The following PTP4A3 variants were observed in gnomAD, a reference collection of about 807,000 sequenced individuals.
PTP4A3 encodes protein tyrosine phosphatase 4A3, also known as protein tyrosine phosphatase type IVA 3.
A neutral mutation model predicts 15.2 loss-of-function variants in PTP4A3; 9 were observed. The observed-to-expected ratio is 0.59, with a 90% confidence interval of 0.36 to 1.03. PTP4A3 has a LOEUF of 1.03. Among genes scored for constraint, PTP4A3 ranks in the 50% least tolerant of loss-of-function variants. PTP4A3 has a pLI of 0.02. For synonymous variants in PTP4A3, 95 were observed against 102.0 expected (o/e 0.93, Z 0.41); for missense variants, 234 against 252.1 (o/e 0.93, Z 0.49).
intron 1 of PTP4A3, among the ~76,000 whole-genome samples, chr8:141,404,279 C>T (rs1466309507): frequency 3.9e-5 from 6 of 152,270 alleles, no homozygotes; most frequent in South Asian, 2.1e-4. Context: ...CTGTACTTGA[C>T]GGATGGTGCA....
Position 141,406,639 on chromosome 8 carries a change from C to T in PTP4A3, c.-854+14555C>T, listed in dbSNP as rs1466260730. On this transcript the variant is annotated intron_variant, in intron 1 of 5. Transcript: ENST00000521578. This position sits in a 1 kb window ranked among gnomAD's most constrained non-coding sequence, Gnocchi z 4.5. ...GGGGCCCAGACTCATTGACATCCTG[C>T]GTGAACTACAGTTTTGGTAGAGGTG... is the stretch of plus-strand genomic sequence containing the variant. Among the ~76,000 whole-genome samples, 4 of 152,304 alleles carry T rather than the reference C, an allele frequency of 2.6e-5. No individual in the cohort carries two copies. The highest frequency in any genetic ancestry group is 1.3e-4 in the Admixed American group (2 of 15,304).
chr8:141,425,615 G>A lies in PTP4A3; in HGVS notation c.198+475G>A, dbSNP rs539849248. Among the ~76,000 whole-genome samples the A allele has an allele frequency of 3.3e-4, 48 of 147,404 alleles. No homozygotes were observed. The highest frequency in any genetic ancestry group is 1.1e-3 in the African/African-American group (44 of 40,112). ...GCGGGGGGTGGGGCGGTTCTGCTGC[G>A]ATATCCTTGGGGGGGTGGGCCACAG... On this transcript the variant is annotated intron_variant, in intron 3 of 5. Coordinates refer to ENST00000521578, the MANE Select transcript of PTP4A3 (RefSeq NM_032611.3). This position sits in a 1 kb window ranked among gnomAD's most constrained non-coding sequence, Gnocchi z 4.2.
intron 1 of PTP4A3, among the ~76,000 whole-genome samples, chr8:141,397,488 A>G (rs1304658532): frequency 6.6e-6 from 1 of 152,238 alleles, no homozygotes; most frequent in Non-Finnish European, 1.5e-5. Flanking sequence ...AGTACAGAAC[A>G]ATGACAACTC....
chr8:141,397,392 G>A (rs1406222206), intron 1 of PTP4A3, among the ~76,000 whole-genome samples: 3 of 144,410 alleles, frequency 2.1e-5, no homozygotes, highest in African/African-American at 7.4e-5. Context: ...ACTTCTGCCT[G>A]TAAGGCCTGT....
In PTP4A3 at chr8:141,425,202, G is replaced by C; in HGVS notation, c.198+62G>C. On this transcript the variant is annotated intron_variant, in intron 3 of 5. Coordinates refer to ENST00000521578, the MANE Select transcript of PTP4A3 (RefSeq NM_032611.3). This position sits in a 1 kb window ranked among gnomAD's most constrained non-coding sequence, Gnocchi z 4.2. Reference sequence around the variant, plus strand: ...CCACCGGGGGAGGGTGGGGCGGGGGGCTCCGGGCCTGCGCAGAGGGTTTGG... The same window carrying C: ...CCACCGGGGGAGGGTGGGGCGGGGGCCTCCGGGCCTGCGCAGAGGGTTTGG... The C allele has an allele frequency of 1.4e-6, 2 of 1,407,034 alleles. No homozygotes were observed. Among genetic ancestry groups the C allele is most frequent in the Admixed American group, 1.8e-5 (1 of 56,484 alleles). The allele number at this position is 1,407,034 out of a possible 1,614,324, so 87.2% of individuals were successfully genotyped here. A position where few individuals can be genotyped will look rare whatever the true frequency, so the allele number is the denominator to read the frequency against.
At chr8:141,393,578 C>G (rs376603969) in intron 1 of PTP4A3, among the ~76,000 whole-genome samples, 2 of 152,242 alleles carry the variant, frequency 1.3e-5, no homozygotes, top group Non-Finnish European at 2.9e-5. Flanking sequence ...CCCCCGCAGG[C>G]AGTCGGCGTG....
At chr8:141,412,357 T>TGGGTGGGCGTGAG (rs1832892840) in intron 1 of PTP4A3, among the ~76,000 whole-genome samples, 1 of 152,160 alleles carries the variant, frequency 6.6e-6, no homozygotes, top group Non-Finnish European at 1.5e-5. Flanking sequence ...CATGGGTGGC[T>TGGGTGGGCGTGAG]GGGTGGGCGT....
intron 1 of PTP4A3, among the ~76,000 whole-genome samples, chr8:141,392,766 C>T (rs1002834512): frequency 6.6e-6 from 1 of 152,178 alleles, no homozygotes; most frequent in Non-Finnish European, 1.5e-5. Context: ...ATGCTTAGCT[C>T]CAAGTGGGCA....
At chr8:141,413,249 AC>A (rs1430804470) in intron 1 of PTP4A3, among the ~76,000 whole-genome samples, 5 of 152,162 alleles carry the variant, frequency 3.3e-5, no homozygotes, top group Non-Finnish European at 7.4e-5. Context: ...GGCCTCAGGG[AC>A]TGGGGCGGGG....
At chr8:141,403,391 C>T (rs1336415251) in intron 1 of PTP4A3, among the ~76,000 whole-genome samples, 5 of 152,184 alleles carry the variant, frequency 3.3e-5, no homozygotes, top group Non-Finnish European at 7.3e-5. Context: ...GATGGCCTGG[C>T]TGGGCCCAGG....
At chr8:141,398,664 G>C (rs1014148016) in intron 1 of PTP4A3, among the ~76,000 whole-genome samples, 15 of 152,110 alleles carry the variant, frequency 9.9e-5, no homozygotes, top group Non-Finnish European at 2.1e-4. Context: ...GAAGACCCCC[G>C]GATGAGGGTG....
chr8:141,418,290 C>T lies in PTP4A3; in HGVS notation c.-853-3098C>T, dbSNP rs150120897. Among the ~76,000 whole-genome samples the T allele has an allele frequency of 8.9e-3, 1,357 of 152,370 alleles. 15 individuals are homozygous for T. Among genetic ancestry groups the T allele is most frequent in the African/African-American group, 0.031 (1,282 of 41,588 alleles). Reference sequence around the variant, plus strand: ...CTCCCCCAAAATCACAGGGGGCGCCCTGTCTGAAGCGGGGGCTGGATTCAA... The same window carrying T: ...CTCCCCCAAAATCACAGGGGGCGCCTTGTCTGAAGCGGGGGCTGGATTCAA... On this transcript the variant is annotated intron_variant, in intron 1 of 5. Coordinates refer to ENST00000521578, the MANE Select transcript of PTP4A3 (RefSeq NM_032611.3).
At chr8:141,399,879 C>T (rs533127201) in intron 1 of PTP4A3, among the ~76,000 whole-genome samples, 2 of 152,338 alleles carry the variant, frequency 1.3e-5, no homozygotes, top group African/African-American at 4.8e-5. Context: ...GGAGAGGCGA[C>T]ATTTGAACAA....
At chr8:141,426,481 T>G in intron 3 of PTP4A3, 1 of 985,350 alleles carries the variant, frequency 1.0e-6, no homozygotes, top group Non-Finnish European at 1.2e-6. Context: ...TCCTGGCACC[T>G]GGGCTGTGTG....
intron 1 of PTP4A3, 102 bp downstream of exon 1, chr8:141,392,186 G>A (rs1191063717): frequency 6.7e-6 from 1 of 149,396 alleles, no homozygotes; most frequent in African/African-American, 2.4e-5. Context: ...TCCGGGCACG[G>A]CTTCGGGGCC....
Position 141,421,380 on chromosome 8 carries a change from C to G in PTP4A3, c.-853-8C>G, listed in dbSNP as rs1419770004. On this transcript the variant is annotated splice_polypyrimidine_tract_variant and splice_region_variant and intron_variant, in intron 1 of 5. Transcript: ENST00000521578. ...CTTTCTATTCATTTCCTTCGTCTTT[C>G]CCCACAGATGCTGTGTGCTGTGGAC... 6.6e-6 allele frequency: 1 copy of G among 152,314 alleles called. No individual in the cohort carries two copies. Among genetic ancestry groups the G allele is most frequent in the Non-Finnish European group, 1.5e-5 (1 of 68,106 alleles). 9.4% of individuals were successfully genotyped at this position (152,314 alleles called of 1,614,324 possible). A position where few individuals can be genotyped will look rare whatever the true frequency, so the allele number is the denominator to read the frequency against.
intron 1 of PTP4A3, among the ~76,000 whole-genome samples, chr8:141,402,022 T>A (rs991951628): frequency 6.6e-6 from 1 of 152,106 alleles, no homozygotes; most frequent in East Asian, 1.9e-4. Flanking sequence ...TCCCCTGATA[T>A]CACACAAGCC....
rs190496537 is a variant in PTP4A3 at position 141,412,556 on chromosome 8, C to T, written c.-853-8832C>T. 2.6e-5 allele frequency among the ~76,000 whole-genome samples: 4 copies of T among 152,286 alleles called. No homozygotes were observed. In the East Asian group the frequency reaches 5.8e-4, roughly 22 times the overall value. ...TGTCCCCTGGATGGTCCAGGGGTCC[C>T]GAGGAGGAGCCATGGCCTCTTCTCC... On this transcript the variant is annotated intron_variant, in intron 1 of 5. Transcript: ENST00000521578.
chr8:141,392,947 C>A (rs908456800), intron 1 of PTP4A3, among the ~76,000 whole-genome samples: 25 of 152,188 alleles, frequency 1.6e-4, no homozygotes, highest in African/African-American at 5.5e-4. Flanking sequence ...CCCCCTCTCT[C>A]TGCCTGCGGG....
Sources: gnomAD v4.1 joint callset for allele counts (sites outside exome capture counted in the v4.1 genomes callset) on GRCh38, gnomAD v4.1.1 for gene constraint, Gnocchi (gnomAD v3.1) non-coding constraint, MANE v1.5 for transcripts, NCBI Gene and HGNC (gene_info 2026-07-23, HGNC 2026-07-21) for gene names.